BRINP2: variants seen among roughly 807,000 people sequenced by gnomAD.
BRINP2 encodes the protein BMP/retinoic acid inducible neural specific 2.
In BRINP2, 21 loss-of-function variants were observed where a neutral mutation model predicts 69.2. The ratio of observed to expected loss-of-function variants is 0.30; its 90% confidence interval spans 0.22 to 0.44. The LOEUF (loss-of-function observed/expected upper bound fraction) is 0.44, where lower values mean the gene tolerates loss of function less well. Ranked by LOEUF, BRINP2 falls within the 20% of genes least tolerant of loss-of-function variation. The pLI is 1.00. For synonymous variants in BRINP2, 380 were observed against 394.1 expected (o/e 0.96, Z 0.42); for missense variants, 877 against 986.0 (o/e 0.89, Z 1.48).
At chr1:177,219,768 T>C (rs559081861) in intron 1 of BRINP2, among the ~76,000 whole-genome samples, 1 of 152,358 alleles carries the variant, frequency 6.6e-6, no homozygotes, top group Admixed American at 6.5e-5. Flanking sequence ...GAGTTGCTTA[T>C]CAGCCCCACC....
At chr1:177,255,817 T>C in intron 2 of BRINP2, 102 bp from the exon 3 acceptor site, 1 of 1,220,914 alleles carries the variant, frequency 8.2e-7, no homozygotes. Flanking sequence ...TGAGAGGAGA[T>C]GAGTGGCTGC....
chr1:177,260,760 G>T (rs1650920842), intron 4 of BRINP2, among the ~76,000 whole-genome samples: 1 of 152,154 alleles, frequency 6.6e-6, no homozygotes, highest in African/African-American at 2.4e-5. Flanking sequence ...TATGTACATT[G>T]TTTGTTCAGA....
chr1:177,276,807 C>T (rs1181560125), intron 6 of BRINP2, among the ~76,000 whole-genome samples: 1 of 152,204 alleles, frequency 6.6e-6, no homozygotes, highest in Non-Finnish European at 1.5e-5. Flanking sequence ...TAGAATGGTT[C>T]TAGATGACAT....
Position 177,281,478 on chromosome 1 carries a change from T to C in BRINP2, c.2302T>C (p.Ser768Pro), listed in dbSNP as rs756781979. The change falls in exon 8 of 8, where the codon TCT (serine) becomes CCT (proline). Residue 768 changes from serine to proline, a missense_variant. Physicochemically the swap from Ser to Pro is moderately conservative, Grantham distance 74 (BLOSUM62 -1). This residue lies in a region of BRINP2 where 225 missense variants were observed against 218.7 expected (regional missense o/e 1.03). Coordinates refer to ENST00000361539, the MANE Select transcript of BRINP2 (RefSeq NM_021165.4). ...RIQSSLRAFN[S>P]KLPNPVEYET... ...CCAGTCCTCCCTGAGGGCTTTCAATTCTAAGCTGCCAAACCCTGTGGAATA... is the reference window on the plus strand; with the variant it reads ...CCAGTCCTCCCTGAGGGCTTTCAATCCTAAGCTGCCAAACCCTGTGGAATA... 1 of 1,612,774 alleles carries C rather than the reference T, an allele frequency of 6.2e-7. No individual in the cohort carries two copies. The highest frequency in any genetic ancestry group is 2.2e-5 in the East Asian group (1 of 44,858).
At chr1:177,267,377 T>C (rs1160577595) in intron 4 of BRINP2, among the ~76,000 whole-genome samples, 1 of 152,228 alleles carries the variant, frequency 6.6e-6, no homozygotes, top group Admixed American at 6.5e-5. Flanking sequence ...ATCTTTTATC[T>C]ATTTATTCCA....
rs147741414 is a variant in BRINP2 at position 177,187,195 on chromosome 1, C to G, written c.-77+15463C>G. 1.4e-3 allele frequency among the ~76,000 whole-genome samples: 220 copies of G among 151,742 alleles called. 1 individual carries two copies. Among genetic ancestry groups the G allele is most frequent in the African/African-American group, 5.1e-3 (209 of 41,088 alleles). On this transcript the variant is annotated intron_variant, in intron 1 of 7. Transcript: ENST00000361539. ...TTCTACCCCAAATTTTGTGGCTTCT[C>G]TAACTCAACTGTTTCCTGCCCTAGC... is the stretch of plus-strand genomic sequence containing the variant.
intron 5 of BRINP2, 118 bp from the exon 6 acceptor site, chr1:177,276,080 T>C: frequency 5.3e-6 from 5 of 943,718 alleles, no homozygotes; most frequent in Non-Finnish European, 8.3e-6. Flanking sequence ...GTGCCCATGC[T>C]TGGGCCCAGG....
intron 1 of BRINP2, among the ~76,000 whole-genome samples, chr1:177,223,980 C>T (rs969804780): frequency 1.3e-5 from 2 of 152,098 alleles, no homozygotes; most frequent in African/African-American, 4.8e-5. Flanking sequence ...AAGGCAAAAG[C>T]ACCATGGTTA....
intron 1 of BRINP2, among the ~76,000 whole-genome samples, chr1:177,183,532 C>T (rs1386666397): frequency 2.0e-5 from 3 of 152,156 alleles, no homozygotes; most frequent in African/African-American, 7.2e-5. Flanking sequence ...AAAATGGACT[C>T]ATCATGGCCT....
At chr1:177,188,631 G>A (rs1210911578) in intron 1 of BRINP2, among the ~76,000 whole-genome samples, 3 of 152,022 alleles carry the variant, frequency 2.0e-5, no homozygotes, top group Non-Finnish European at 4.4e-5. Context: ...TTTTTTTCTA[G>A]TAACTGCCCC....
At chr1:177,265,465 G>A (rs923087971) in intron 4 of BRINP2, among the ~76,000 whole-genome samples, 5 of 152,104 alleles carry the variant, frequency 3.3e-5, no homozygotes, top group Admixed American at 1.3e-4. Context: ...TGATTTTCTT[G>A]CATTATCCTG....
intron 1 of BRINP2, among the ~76,000 whole-genome samples, chr1:177,212,042 T>A (rs1316019666): frequency 6.7e-6 from 1 of 150,338 alleles, no homozygotes; most frequent in Non-Finnish European, 1.5e-5. Flanking sequence ...CTATGTGCCA[T>A]CTGTCTACAT....
intron 3 of BRINP2, chr1:177,256,760 G>A (rs1650774516): frequency 6.4e-6 from 7 of 1,088,522 alleles, no homozygotes; most frequent in Non-Finnish European, 7.9e-6. Context: ...GTCGGCACGC[G>A]GCAGGTGTTG....
At chr1:177,266,888 T>C (rs921068709) in intron 4 of BRINP2, among the ~76,000 whole-genome samples, 1 of 152,156 alleles carries the variant, frequency 6.6e-6, no homozygotes, top group African/African-American at 2.4e-5. Flanking sequence ...GGCATATCAT[T>C]TGAACTGTAA....
chr1:177,205,315 A>G (rs1192024475), intron 1 of BRINP2, among the ~76,000 whole-genome samples: 1 of 151,976 alleles, frequency 6.6e-6, no homozygotes, highest in Non-Finnish European at 1.5e-5. Context: ...TAAATTTTGT[A>G]TTTTTAGTAG....
intron 2 of BRINP2, among the ~76,000 whole-genome samples, chr1:177,240,170 G>C (rs902117674): frequency 5.3e-5 from 8 of 152,196 alleles, no homozygotes; most frequent in African/African-American, 1.9e-4. Flanking sequence ...GGGACACACT[G>C]GTGACGAAGG....
At chr1:177,234,391 A>C (rs962942952) in intron 2 of BRINP2, among the ~76,000 whole-genome samples, 3 of 152,170 alleles carry the variant, frequency 2.0e-5, no homozygotes, top group Non-Finnish European at 2.9e-5. Flanking sequence ...ACACGCACCT[A>C]CTCAGGCACC....
chr1:177,276,764 C>A, intron 6 of BRINP2, among the ~76,000 whole-genome samples: 1 of 152,304 alleles, frequency 6.6e-6, no homozygotes, highest in South Asian at 2.1e-4. Flanking sequence ...ACATAAGGTT[C>A]GCTATAAATA....
intron 1 of BRINP2, among the ~76,000 whole-genome samples, chr1:177,172,336 C>T (rs1328776207): frequency 6.6e-6 from 1 of 152,190 alleles, no homozygotes; most frequent in Non-Finnish European, 1.5e-5. Flanking sequence ...ACTGGAGACA[C>T]TAGGGAAGAA....
Sources: allele counts gnomAD v4.1 joint callset (sites outside exome capture counted in the v4.1 genomes callset), GRCh38; gene constraint gnomAD v4.1.1; regional missense constraint gnomAD v4.1.1; transcripts MANE v1.5; gene names NCBI Gene and HGNC (gene_info 2026-07-23, HGNC 2026-07-21).